The following IQCM variants were observed in gnomAD, a reference collection of about 807,000 sequenced individuals.
The protein encoded by IQCM is IQ motif containing M, also known as IQ domain-containing protein M.
In IQCM, 45 loss-of-function variants were observed where a neutral mutation model predicts 57.6. The observed-to-expected ratio is 0.78, with a 90% CI of 0.62 to 1.00. The LOEUF (loss-of-function observed/expected upper bound fraction) is 1.00, where lower values mean the gene tolerates loss of function less well. IQCM is among the 50% of genes least tolerant of loss of function. IQCM has a pLI of 0.00. For missense variants in IQCM, 468 were observed against 511.6 expected (o/e 0.91, Z 0.82); for synonymous variants, 148 against 158.9 (o/e 0.93, Z 0.51).
At chr4:149,496,512 G>A (rs1047421356) in intron 12 of IQCM, among the ~76,000 whole-genome samples, 4 of 152,046 alleles carry the variant, frequency 2.6e-5, no homozygotes, top group African/African-American at 9.7e-5. Flanking sequence ...AAAGATGAAA[G>A]CAGAAATCAG....
At chr4:149,505,791 TA>T (rs972937119) in intron 12 of IQCM, among the ~76,000 whole-genome samples, 65 of 152,286 alleles carry the variant, frequency 4.3e-4, no homozygotes, top group African/African-American at 1.4e-3. Context: ...AAAATCAATA[TA>T]AAAAATCTGG....
intron 13 of IQCM, 100 bp downstream of exon 13, chr4:149,433,296 G>A (rs1286953215): frequency 1.2e-5 from 6 of 511,008 alleles, no homozygotes; most frequent in Non-Finnish European, 1.8e-5. Flanking sequence ...TAAGATCTAT[G>A]TATCATCCCA....
At chr4:149,595,405 A>C (rs933118282) in intron 8 of IQCM, among the ~76,000 whole-genome samples, 1 of 152,094 alleles carries the variant, frequency 6.6e-6, no homozygotes, top group Non-Finnish European at 1.5e-5. Context: ...TAAACACATC[A>C]CTCACATAAT....
chr4:149,641,915 G>A (rs1395949956), intron 7 of IQCM, among the ~76,000 whole-genome samples: 2 of 152,056 alleles, frequency 1.3e-5, no homozygotes, highest in Non-Finnish European at 2.9e-5. Flanking sequence ...AAATTAAGGG[G>A]TAAGATCTTG....
At chr4:149,801,896 G>T (rs1773637679) in intron 2 of IQCM, among the ~76,000 whole-genome samples, 1 of 151,842 alleles carries the variant, frequency 6.6e-6, no homozygotes, top group African/African-American at 2.4e-5. Context: ...TAGTATAATT[G>T]GATTGTTTGT....
chr4:149,481,701 G>GTTTTTGTTTTTTGTTTTTTTTTT (rs1740822174), intron 12 of IQCM, among the ~76,000 whole-genome samples: 2 of 51,550 alleles, frequency 3.9e-5, no homozygotes, highest in African/African-American at 1.5e-4. Context: ...TTCCAGTTTT[G>GTTTTTGTTTTTTGTTTTTTTTTT]TTTTTTTTTT....
intron 13 of IQCM, among the ~76,000 whole-genome samples, chr4:149,353,087 T>C (rs543707210): frequency 6.6e-6 from 1 of 152,254 alleles, no homozygotes; most frequent in South Asian, 2.1e-4. Flanking sequence ...GAGCAAGGCC[T>C]TATAACAACA....
At chr4:149,537,449 T>C (rs1747409172) in intron 12 of IQCM, among the ~76,000 whole-genome samples, 2 of 151,442 alleles carry the variant, frequency 1.3e-5, no homozygotes, top group South Asian at 4.1e-4. Context: ...GATGTAAAAA[T>C]AAACAGCACC....
chr4:149,431,931 T>TTATATATA (rs370111091), intron 13 of IQCM, among the ~76,000 whole-genome samples: 1 of 146,598 alleles, frequency 6.8e-6, no homozygotes, highest in African/African-American at 2.5e-5. Flanking sequence ...ATAATGTTGA[T>TTATATATA]TATATATATA....
intron 3 of IQCM, among the ~76,000 whole-genome samples, chr4:149,736,227 T>A (rs1237525439): frequency 1.3e-5 from 2 of 152,072 alleles, no homozygotes; most frequent in African/African-American, 2.4e-5. Context: ...GGATTACAGG[T>A]GTGACCGAAA....
chr4:149,427,503 T>C (rs1363548167), intron 13 of IQCM, among the ~76,000 whole-genome samples: 2 of 151,982 alleles, frequency 1.3e-5, no homozygotes, highest in African/African-American at 4.8e-5. Context: ...GACACAGCTC[T>C]GATTTTATCA....
chr4:149,481,750 T>C (rs1217710643), intron 12 of IQCM, among the ~76,000 whole-genome samples: 1 of 139,102 alleles, frequency 7.2e-6, no homozygotes, highest in African/African-American at 2.6e-5. Flanking sequence ...GCTTTGGCTA[T>C]TCTGGGTCTT....
At chr4:149,541,904 C>G (rs116329189) in intron 12 of IQCM, among the ~76,000 whole-genome samples, 1 of 152,094 alleles carries the variant, frequency 6.6e-6, no homozygotes, top group Admixed American at 6.6e-5. Flanking sequence ...TGAAAAAATG[C>G]GTAGGTTGCA....
At chr4:149,440,596 A>G (rs964856170) in intron 12 of IQCM, among the ~76,000 whole-genome samples, 1 of 152,174 alleles carries the variant, frequency 6.6e-6, no homozygotes, top group Non-Finnish European at 1.5e-5. Context: ...ATGCAAAAAT[A>G]TATACATTTT....
At chr4:149,540,162 G>A (rs1448037053) in intron 12 of IQCM, among the ~76,000 whole-genome samples, 1 of 129,726 alleles carries the variant, frequency 7.7e-6, no homozygotes, top group East Asian at 2.3e-4. Flanking sequence ...GGCCATGTGA[G>A]GACACAGCAA....
Position 149,543,570 on chromosome 4 carries a change from G to A in IQCM, c.1228+4885C>T, listed in dbSNP as rs528109193. Among the ~76,000 whole-genome samples the A allele has an allele frequency of 4.4e-4, 58 of 131,354 alleles. 1 individual carries two copies. In the South Asian group the frequency reaches 0.014, roughly 32 times the overall value. 86.2% of individuals were successfully genotyped at this position (131,354 alleles called of 152,430 possible). ...TTTTTATGGCTGCATAGTATTCCAT[G>A]GTGTATATGTGTGGGGTGGGGGGAG... On this transcript the variant is annotated intron_variant, in intron 12 of 13. Coordinates refer to ENST00000636793, the MANE Select transcript of IQCM (RefSeq NM_001363507.2).
rs548633420 is a variant in IQCM, at chr4:149,384,199, T to A, written c.1391-32133A>T. ...AGAAGTTATAATTGCATTATGTGAC[T>A]GAAAGGGATCAGAAGAGGCCACCCC... On this transcript the variant is annotated intron_variant, in intron 13 of 13. Coordinates refer to ENST00000636793, the MANE Select transcript of IQCM (RefSeq NM_001363507.2). Among the ~76,000 whole-genome samples, 7 of 152,190 alleles carry A rather than the reference T, an allele frequency of 4.6e-5. No homozygotes were observed. The East Asian group carries it at 1.4e-3, about 29-fold the overall frequency.
At chr4:149,605,379 G>A (rs777733182) in intron 8 of IQCM, among the ~76,000 whole-genome samples, 18 of 152,174 alleles carry the variant, frequency 1.2e-4, no homozygotes, top group Non-Finnish European at 2.4e-4. Context: ...GGACTGTGAT[G>A]TGGTTTAGGA....
intron 7 of IQCM, among the ~76,000 whole-genome samples, chr4:149,664,301 T>A (rs1012038812): frequency 6.6e-6 from 1 of 152,162 alleles, no homozygotes; most frequent in Non-Finnish European, 1.5e-5. Context: ...ATAAGTATCC[T>A]TTTCTTTGGG....
Sources: allele counts gnomAD v4.1 joint callset (sites outside exome capture counted in the v4.1 genomes callset), GRCh38; gene constraint gnomAD v4.1.1; transcripts MANE v1.5; gene names NCBI Gene and HGNC (gene_info 2026-07-23, HGNC 2026-07-21).